The following LYSMD2 variants were observed in gnomAD, a reference collection of about 807,000 sequenced individuals.
The protein encoded by LYSMD2 is lysM and putative peptidoglycan-binding domain-containing protein 2.
In LYSMD2, 6 loss-of-function variants were observed where a neutral mutation model predicts 17.7. The ratio of observed to expected loss-of-function variants is 0.34; its 90% CI spans 0.19 to 0.67. The LOEUF (loss-of-function observed/expected upper bound fraction) is 0.67, where lower values mean the gene tolerates loss of function less well. Ranked by LOEUF, LYSMD2 falls within the 30% of genes least tolerant of loss-of-function variation. The probability of loss-of-function intolerance (pLI) is 0.69; values close to 1 mark genes in which losing one functional copy is unlikely to be tolerated. For missense variants in LYSMD2, 237 were observed against 286.7 expected, an observed-to-expected ratio of 0.83 and a Z score of 1.25; for synonymous variants, 102 against 129.8, an observed-to-expected ratio of 0.79 and a Z score of 1.45.
upstream of LYSMD2, among the ~76,000 whole-genome samples, chr15:51,740,242 A>G (rs2055636136): frequency 6.6e-6 from 1 of 152,150 alleles, no homozygotes; most frequent in South Asian, 2.1e-4. Flanking sequence ...TACAGGCCTG[A>G]GCCACCACGC....
upstream of LYSMD2, among the ~76,000 whole-genome samples, chr15:51,740,029 G>C (rs746697401): frequency 6.6e-6 from 1 of 152,136 alleles, no homozygotes; most frequent in Non-Finnish European, 1.5e-5. Flanking sequence ...TGTGATCTCC[G>C]TTCACTGCAA....
At chr15:51,748,319 C>T (rs915104520) in intron 1 of LYSMD2, among the ~76,000 whole-genome samples, 2 of 100,342 alleles carry the variant, frequency 2.0e-5, no homozygotes, top group Non-Finnish European at 4.2e-5. Flanking sequence ...AGGGAGGTTA[C>T]AGAAACTTGG....
In LYSMD2 at chr15:51,737,116, G is replaced by T. The variant is rs1317101628; in HGVS notation, c.273+234C>A. 6.6e-6 allele frequency among the ~76,000 whole-genome samples: 1 copy of T among 152,224 alleles called. No individual in the cohort carries two copies. The highest frequency in any genetic ancestry group is 1.5e-5 in the Non-Finnish European group (1 of 68,020). Reference sequence around the variant, plus strand: ...TGCAGCTACCTAGGGAGGGAGCCCTGGCGGTCCGCCCCTCCCGCTGCAGGA... The same window carrying T: ...TGCAGCTACCTAGGGAGGGAGCCCTTGCGGTCCGCCCCTCCCGCTGCAGGA... On this transcript the variant is annotated intron_variant, in intron 1 of 2. Transcript: ENST00000267838. This position sits in a 1 kb window ranked among gnomAD's most constrained non-coding sequence, Gnocchi z 4.2.
At chr15:51,733,763 G>T (rs138420338) in intron 1 of LYSMD2, among the ~76,000 whole-genome samples, 57 of 152,246 alleles carry the variant, frequency 3.7e-4, no homozygotes, top group African/African-American at 1.3e-3. Flanking sequence ...CTGTGACTGC[G>T]CAGGTCACAT....
chr15:51,747,017 T>TA (rs1050919768), intron 1 of LYSMD2, among the ~76,000 whole-genome samples: 8,869 of 65,674 alleles, frequency 0.14, 968 homozygotes, highest in East Asian at 0.62. Flanking sequence ...CTGTCTCTAC[T>TA]AAAAAAAAAA....
chr15:51,737,607 G>C lies in LYSMD2; in HGVS notation c.16C>G (p.Pro6Ala), dbSNP rs1812762. The C allele has an allele frequency of 6.7e-3, 8,151 of 1,210,898 alleles. 41 individuals carry two copies. Among genetic ancestry groups the C allele is most frequent in the African/African-American group, 0.022 (1,366 of 63,426 alleles). The allele number at this position is 1,210,898 out of a possible 1,614,324, so 75.0% of individuals were successfully genotyped here. Residue 6 changes from proline to alanine, a missense_variant, in exon 1 of 3, where the codon CCC (proline) becomes GCC (alanine). Coordinates refer to ENST00000267838, the MANE Select transcript of LYSMD2 (RefSeq NM_153374.3). The surrounding 1 kb of genome is among the most constrained non-coding windows in gnomAD (Gnocchi z 4.2). MADSSPALSLREGGPR... is the reference protein window; with the variant it reads MADSSAALSLREGGPR... ...CCGCCTTCCCGCAGGGACAGTGCGG[G>C]CGAGGAATCCGCCATGGGTCCTGCC...
At chr15:51,747,161 T>C (rs186582188) in intron 1 of LYSMD2, among the ~76,000 whole-genome samples, 83 of 151,520 alleles carry the variant, frequency 5.5e-4, no homozygotes, top group African/African-American at 1.9e-3. Context: ...GATCACGCCA[T>C]TGCACTCCAG....
At chr15:51,725,759 T>C (rs1471483166) in intron 1 of LYSMD2, among the ~76,000 whole-genome samples, 1 of 152,180 alleles carries the variant, frequency 6.6e-6, no homozygotes, top group Non-Finnish European at 1.5e-5. Context: ...TATATCTATA[T>C]GGAAAGAGAG....
chr15:51,747,406 G>A (rs909911807), intron 1 of LYSMD2, among the ~76,000 whole-genome samples: 3 of 151,984 alleles, frequency 2.0e-5, no homozygotes, highest in Non-Finnish European at 2.9e-5. Context: ...CAGGAGAATC[G>A]CTTGAACCCA....
intron 1 of LYSMD2, among the ~76,000 whole-genome samples, chr15:51,728,085 A>G (rs2055551641): frequency 6.6e-6 from 1 of 152,204 alleles, no homozygotes; most frequent in South Asian, 2.1e-4. Context: ...GGATAGTAAC[A>G]GTTCCTTCCT....
chr15:51,723,515 A>T lies in LYSMD2; in HGVS notation c.*92T>A. The T allele has an allele frequency of 9.7e-7, 1 of 1,031,072 alleles. No individual in the cohort carries two copies. Among genetic ancestry groups the T allele is most frequent in the Non-Finnish European group, 1.5e-6 (1 of 653,978 alleles). The allele number at this position is 1,031,072 out of a possible 1,614,324, so 63.9% of individuals were successfully genotyped here. A position where few individuals can be genotyped will look rare whatever the true frequency, so the allele number is the denominator to read the frequency against. On this transcript the variant is annotated 3_prime_UTR_variant, in exon 3 of 3. Coordinates refer to ENST00000267838, the MANE Select transcript of LYSMD2 (RefSeq NM_153374.3). ...TGATTTTAAGATGGACACTATAGGA[A>T]TCCAGAAGGGATGTTTTTGAATCTT...
In LYSMD2 at chr15:51,724,835, A is replaced by G; in HGVS notation, c.560T>C (p.Ile187Thr). ...CTTGGCTGCCTGTGTTGATAACTTA[A>G]TCTGCAAGTCAAGTCTCTGCAGGAA... ...RDFLQRLDLQ[I>T]KLSTQAAKKL... The change falls in exon 2 of 3, where the codon ATT becomes ACT. Residue 187 changes from isoleucine (I) to threonine (T), a missense_variant. Physicochemically the swap from Ile to Thr is moderately conservative, Grantham distance 89. Coordinates refer to ENST00000267838, the MANE Select transcript of LYSMD2 (RefSeq NM_153374.3). 1 of 1,613,994 alleles carries G rather than the reference A, an allele frequency of 6.2e-7. No homozygotes were observed. The highest frequency in any genetic ancestry group is 8.5e-7 in the Non-Finnish European group (1 of 1,179,956).
intron 1 of LYSMD2, among the ~76,000 whole-genome samples, chr15:51,728,467 AATT>A (rs959736757): frequency 9.2e-5 from 14 of 151,952 alleles, no homozygotes; most frequent in Admixed American, 3.3e-4. Context: ...AGGTGTCAGC[AATT>A]ATTATCATTA....
upstream of LYSMD2, chr15:51,737,714 G>T (rs1052972387): frequency 8.3e-6 from 8 of 967,364 alleles, no homozygotes; most frequent in Admixed American, 9.2e-5. The surrounding 1 kb of genome is among the most constrained non-coding windows in gnomAD (Gnocchi z 4.2). Flanking sequence ...CCTCTTCACA[G>T]GGGCTGCAGC....
exon 1 of LYSMD2, chr15:51,751,296 C>T (rs777519629): frequency 2.8e-6 from 2 of 702,632 alleles, no homozygotes; most frequent in African/African-American, 1.7e-5. Context: ...ACGCGGCTTC[C>T]GTGTCAGGAT....
chr15:51,737,393 G>A lies in LYSMD2; in HGVS notation c.230C>T (p.Ala77Val), dbSNP rs762399390. 6.9e-7 allele frequency: 1 copy of A among 1,457,196 alleles called. No individual in the cohort carries two copies. The highest frequency in any genetic ancestry group is 9.0e-7 in the Non-Finnish European group (1 of 1,110,134). 90.3% of individuals were successfully genotyped at this position (1,457,196 alleles called of 1,614,324 possible). The change falls in exon 1 of 3, where the codon GCG becomes GTG. Residue 77 changes from alanine (A) to valine (V), a missense_variant. Transcript: ENST00000267838. This position sits in a 1 kb window ranked among gnomAD's most constrained non-coding sequence, Gnocchi z 4.2. ...CGCGATGCCCTGCAGCGTGTCGCCC[G>A]CGCGGACCCGGTGCTCCACATGGCG... is the stretch of plus-strand genomic sequence containing the variant. ...IERHVEHRVR[A>V]GDTLQGIALK...
upstream of LYSMD2, chr15:51,737,885 A>T (rs546518063): frequency 3.9e-6 from 1 of 255,402 alleles, no homozygotes; most frequent in East Asian, 7.4e-5. The surrounding 1 kb of genome is among the most constrained non-coding windows in gnomAD (Gnocchi z 4.2). Flanking sequence ...GCCTGCCGGT[A>T]CCGGGAAGAC....
intron 1 of LYSMD2, among the ~76,000 whole-genome samples, chr15:51,747,686 A>T (rs2055674974): frequency 6.6e-6 from 1 of 151,934 alleles, no homozygotes; most frequent in African/African-American, 2.4e-5. Context: ...TTTTTCTTGC[A>T]ATTTATTTAT....
At chr15:51,739,405 C>CT (rs1567230183), upstream of LYSMD2, among the ~76,000 whole-genome samples, 1 of 152,076 alleles carries the variant, frequency 6.6e-6, no homozygotes. Flanking sequence ...ATCCTGAATG[C>CT]TAATTTAGAT....
Sources: allele counts gnomAD v4.1 joint callset (sites outside exome capture counted in the v4.1 genomes callset), GRCh38; gene constraint gnomAD v4.1.1; non-coding constraint Gnocchi (gnomAD v3.1); transcripts MANE v1.5; gene names NCBI Gene and HGNC (gene_info 2026-07-23, HGNC 2026-07-21).